The following RFX8 variants were observed in gnomAD, a reference collection of about 807,000 sequenced individuals.
RFX8 encodes the protein regulatory factor X8, also known as DNA-binding protein RFX8.
A neutral mutation model predicts 54.6 loss-of-function variants in RFX8; 46 were observed. The observed-to-expected ratio is 0.84, with a 90% confidence interval of 0.67 to 1.08. RFX8 has a LOEUF of 1.08. Among genes scored for constraint, RFX8 ranks in the 50% least tolerant of loss-of-function variants. The pLI, the probability that RFX8 is intolerant of heterozygous loss-of-function variation, is 0.00. For synonymous variants in RFX8, 192 were observed against 209.5 expected (o/e 0.92, Z 0.72); for missense variants, 536 against 562.3 (o/e 0.95, Z 0.47).
At position 101,422,474 on chromosome 2, in the gene RFX8, T is replaced by A; in HGVS notation, c.73-2A>T. On this transcript the variant is annotated splice_acceptor_variant, in intron 2 of 11. Coordinates refer to ENST00000428343, the MANE Select transcript of RFX8 (RefSeq NM_001145664.2). LOFTEE classifies it high-confidence loss of function. Reference sequence around the variant, plus strand: ...CTTCATCGGTGAATGATCTTCACACTAAAAATCATTTGTGCAATGGATTAT... The same window carrying A: ...CTTCATCGGTGAATGATCTTCACACAAAAAATCATTTGTGCAATGGATTAT... 6.6e-7 allele frequency: 1 copy of A among 1,513,934 alleles called. No individual in the cohort carries two copies. The highest frequency in any genetic ancestry group is 9.0e-7 in the Non-Finnish European group (1 of 1,112,666). 93.8% of individuals were successfully genotyped at this position (1,513,934 alleles called of 1,614,324 possible). A position where few individuals can be genotyped will look rare whatever the true frequency, so the allele number is the denominator to read the frequency against.
chr2:101,459,343 T>C (rs1024898362), intron 2 of RFX8, among the ~76,000 whole-genome samples: 14 of 152,226 alleles, frequency 9.2e-5, no homozygotes, highest in Admixed American at 9.2e-4. Context: ...TCCCCATCTT[T>C]GTGATTTTAT....
At chr2:101,437,615 G>A (rs1013362899) in intron 2 of RFX8, among the ~76,000 whole-genome samples, 1 of 151,648 alleles carries the variant, frequency 6.6e-6, no homozygotes, top group African/African-American at 2.4e-5. Context: ...GAGAAAGGAA[G>A]AGAAAAGAAA....
At chr2:101,420,990 A>C (rs1353530834) in intron 4 of RFX8, among the ~76,000 whole-genome samples, 1 of 152,248 alleles carries the variant, frequency 6.6e-6, no homozygotes, top group African/African-American at 2.4e-5. Context: ...AAGGAAAGGA[A>C]TAATGTCAGA....
chr2:101,450,560 C>G (rs541113873), intron 2 of RFX8: 237 of 1,109,726 alleles, frequency 2.1e-4, no homozygotes, highest in Non-Finnish European at 2.6e-4. Context: ...GGCTTGTGAC[C>G]CAAGACCAAA....
chr2:101,400,317 C>G (rs1685356289), intron 11 of RFX8, among the ~76,000 whole-genome samples: 1 of 152,214 alleles, frequency 6.6e-6, no homozygotes, highest in Non-Finnish European at 1.5e-5. Context: ...TGCTGAGTCA[C>G]TTTAGCGAGA....
At chr2:101,451,706 A>C (rs1332478406) in intron 2 of RFX8, among the ~76,000 whole-genome samples, 18 of 141,464 alleles carry the variant, frequency 1.3e-4, no homozygotes, top group Non-Finnish European at 1.1e-4. Context: ...AAAAAAAAAA[A>C]GAAAAGTAAT....
rs374615747 is a variant in RFX8, at chr2:101,421,776, A to G, written c.185T>C (p.Met62Thr). Reference sequence around the variant, plus strand: ...GCAGTATTCGTCAGCAAGGAAGGCCATCTAGGAAGAATATGGAAAATTATT... The same window carrying G: ...GCAGTATTCGTCAGCAAGGAAGGCCGTCTAGGAAGAATATGGAAAATTATT... ...EQAKKYSCNM[M>T]AFLADEYCNY... Residue 62 changes from methionine (M) to threonine (T), a missense_variant and splice_region_variant, in exon 4 of 12, where the codon ATG (methionine) becomes ACG (threonine). By Grantham distance (81) the Met-to-Thr change is moderately conservative. Transcript: ENST00000428343. The G allele has an allele frequency of 6.5e-7, 1 of 1,548,156 alleles. No homozygotes were observed. The highest frequency in any genetic ancestry group is 1.4e-5 in the African/African-American group (1 of 73,030).
chr2:101,428,736 G>C (rs1195040869), intron 2 of RFX8, among the ~76,000 whole-genome samples: 2 of 152,180 alleles, frequency 1.3e-5, no homozygotes, highest in African/African-American at 4.8e-5. Context: ...CAGGGAATGT[G>C]CAGCCAAACA....
intron 2 of RFX8, among the ~76,000 whole-genome samples, chr2:101,445,469 T>G (rs1688321858): frequency 6.6e-6 from 1 of 152,222 alleles, no homozygotes; most frequent in Admixed American, 6.5e-5. Flanking sequence ...CATAGCTCAC[T>G]GCAGCCTTGA....
intron 2 of RFX8, among the ~76,000 whole-genome samples, chr2:101,424,322 C>A (rs149526883): frequency 0.019 from 2,944 of 152,272 alleles, 39 homozygotes; most frequent in Non-Finnish European, 0.029. Flanking sequence ...AATGAGATAT[C>A]ATCTCACACC....
chr2:101,474,144 CT>C, intron 1 of RFX8: 1 of 582,102 alleles, frequency 1.7e-6, no homozygotes, highest in South Asian at 1.9e-5. Context: ...GGGAACCACG[CT>C]TCCCCTCCCC....
At chr2:101,404,033 G>A (rs1050426978) in intron 10 of RFX8, among the ~76,000 whole-genome samples, 7 of 152,198 alleles carry the variant, frequency 4.6e-5, no homozygotes, top group African/African-American at 1.7e-4. Context: ...CTGTGGATGA[G>A]GGTCATCTGC....
chr2:101,469,090 A>G (rs2056069), intron 1 of RFX8, among the ~76,000 whole-genome samples: 508 of 17,962 alleles, frequency 0.028, 69 homozygotes, highest in East Asian at 0.17. Context: ...GTGTATATAT[A>G]TAAGTATATA....
At chr2:101,474,118 C>A (rs1056437218) in intron 1 of RFX8, 8 of 533,702 alleles carry the variant, frequency 1.5e-5, no homozygotes, top group Non-Finnish European at 2.3e-5. Context: ...CCCGGCGTCC[C>A]GAGGGCAGCC....
chr2:101,434,796 C>T (rs1488087329), intron 2 of RFX8: 3 of 152,212 alleles, frequency 2.0e-5, no homozygotes, highest in African/African-American at 7.2e-5. Flanking sequence ...ATAGGGTGGA[C>T]AAGGCCAAAA....
intron 11 of RFX8, among the ~76,000 whole-genome samples, chr2:101,399,781 GGAA>G (rs1558830684): frequency 6.6e-6 from 1 of 152,132 alleles, no homozygotes; most frequent in African/African-American, 2.4e-5. Flanking sequence ...TCTAATAAGG[GGAA>G]GAAGTAGAAT....
chr2:101,448,658 A>T (rs1326914614), intron 2 of RFX8, among the ~76,000 whole-genome samples: 1 of 152,192 alleles, frequency 6.6e-6, no homozygotes, highest in East Asian at 1.9e-4. Context: ...CTATCAGAGA[A>T]AAGGGTCCCT....
chr2:101,456,037 G>C (rs1688947614), intron 2 of RFX8, among the ~76,000 whole-genome samples: 1 of 152,158 alleles, frequency 6.6e-6, no homozygotes, highest in African/African-American at 2.4e-5. Context: ...GTATAGGAAT[G>C]CTTGTAATTT....
intron 2 of RFX8, among the ~76,000 whole-genome samples, chr2:101,461,408 C>T (rs921438696): frequency 3.9e-5 from 6 of 152,112 alleles, no homozygotes; most frequent in Non-Finnish European, 8.8e-5. Flanking sequence ...TTCATCTCCT[C>T]TAACTTAAGA....
Sources: allele counts gnomAD v4.1 joint callset (sites outside exome capture counted in the v4.1 genomes callset), GRCh38; gene constraint gnomAD v4.1.1; transcripts MANE v1.5; gene names NCBI Gene and HGNC (gene_info 2026-07-23, HGNC 2026-07-21).